Variants in ADGRL2 observed in about 807,000 individuals in gnomAD.
The protein encoded by ADGRL2 is adhesion G protein-coupled receptor L2, also known as calcium-independent alpha-latrotoxin receptor 2.
Under a neutral mutation model 157.4 loss-of-function variants are expected in ADGRL2, and 44 were observed. The ratio of observed to expected loss-of-function variants is 0.28; its 90% CI spans 0.22 to 0.36. The LOEUF is 0.36. ADGRL2 is among the 10% of genes least tolerant of loss of function. The probability of loss-of-function intolerance (pLI) is 1.00; values close to 1 mark genes in which losing one functional copy is unlikely to be tolerated. For missense variants in ADGRL2, 1,510 were observed against 1,768.9 expected (o/e 0.85, Z 2.63); for synonymous variants, 585 against 624.7 (o/e 0.94, Z 0.95).
intron 2 of ADGRL2, among the ~76,000 whole-genome samples, chr1:81,578,486 TA>T (rs1475936190): frequency 6.6e-6 from 1 of 152,188 alleles, no homozygotes; most frequent in East Asian, 1.9e-4. Context: ...AATTTTAATA[TA>T]AATGATTTAG....
intron 1 of ADGRL2, among the ~76,000 whole-genome samples, chr1:81,822,059 A>G (rs1195529648): frequency 1.5e-5 from 2 of 136,860 alleles, no homozygotes; most frequent in African/African-American, 5.5e-5. Context: ...GCATAGCTGA[A>G]GTTTAATTCC....
At chr1:81,949,571 A>T (rs1322420321) in intron 6 of ADGRL2, among the ~76,000 whole-genome samples, 1 of 152,202 alleles carries the variant, frequency 6.6e-6, no homozygotes, top group African/African-American at 2.4e-5. Flanking sequence ...TTTCAAGGTA[A>T]CGATGCCGAA....
chr1:81,731,584 G>A (rs915744536), intron 1 of ADGRL2, among the ~76,000 whole-genome samples: 2 of 150,964 alleles, frequency 1.3e-5, no homozygotes, highest in Non-Finnish European at 2.9e-5. Flanking sequence ...TTTCTTTTTT[G>A]GTAATTGCAG....
chr1:81,581,903 CACACACA>C (rs2080921812), intron 3 of ADGRL2, among the ~76,000 whole-genome samples: 4 of 150,750 alleles, frequency 2.7e-5, no homozygotes, highest in African/African-American at 9.9e-5. Context: ...CACACACACA[CACACACA>C]CCCCTGCCTC....
chr1:81,417,715 G>A (rs76732058), intron 1 of ADGRL2, among the ~76,000 whole-genome samples: 3 of 152,046 alleles, frequency 2.0e-5, no homozygotes, highest in Admixed American at 6.6e-5. Flanking sequence ...TTCGAAACTT[G>A]GTTTTCTTGC....
intron 3 of ADGRL2, among the ~76,000 whole-genome samples, chr1:81,677,458 A>G (rs1293016860): frequency 6.6e-6 from 1 of 152,184 alleles, no homozygotes; most frequent in African/African-American, 2.4e-5. Flanking sequence ...AGCATAAAGG[A>G]ATAACTCAGT....
At chr1:81,611,502 T>C (rs2081539834) in intron 3 of ADGRL2, among the ~76,000 whole-genome samples, 4 of 152,220 alleles carry the variant, frequency 2.6e-5, no homozygotes, top group Admixed American at 2.6e-4. Flanking sequence ...ATGTAGTAAA[T>C]ATGAAACCCA....
chr1:81,864,204 T>C (rs115249622), intron 2 of ADGRL2, among the ~76,000 whole-genome samples: 3,032 of 152,322 alleles, frequency 0.02, 52 homozygotes, highest in Non-Finnish European at 0.028. Context: ...CTTAATTCTG[T>C]ATATCCATCT....
At chr1:81,382,761 C>A (rs1244871193) in intron 1 of ADGRL2, among the ~76,000 whole-genome samples, 8 of 152,202 alleles carry the variant, frequency 5.3e-5, no homozygotes, top group East Asian at 3.9e-4. Flanking sequence ...ATCTTCAGAT[C>A]TCAGAATTAC....
intron 17 of ADGRL2, among the ~76,000 whole-genome samples, chr1:81,975,790 G>T (rs1216867185): frequency 6.6e-6 from 1 of 151,968 alleles, no homozygotes; most frequent in Non-Finnish European, 1.5e-5. Context: ...AATGACTACA[G>T]ATTTTTATCA....
chr1:81,851,539 A>T (rs2093005281), intron 2 of ADGRL2, among the ~76,000 whole-genome samples: 2 of 151,880 alleles, frequency 1.3e-5, no homozygotes, highest in African/African-American at 2.4e-5. Flanking sequence ...ATAATGGGTA[A>T]TGATGTATTT....
chr1:81,378,956 GA>G (rs1263500019), intron 1 of ADGRL2, among the ~76,000 whole-genome samples: 2 of 152,130 alleles, frequency 1.3e-5, no homozygotes, highest in African/African-American at 4.8e-5. Flanking sequence ...AGTGATCATT[GA>G]AAGATGATAT....
intron 3 of ADGRL2, among the ~76,000 whole-genome samples, chr1:81,617,411 C>T (rs1485535156): frequency 4.6e-5 from 7 of 152,200 alleles, no homozygotes. Context: ...AGATTGGGGA[C>T]TGCTAGTCTA....
intron 1 of ADGRL2, among the ~76,000 whole-genome samples, chr1:81,754,176 C>G (rs2085585915): frequency 6.6e-6 from 1 of 151,366 alleles, no homozygotes; most frequent in Non-Finnish European, 1.5e-5. Flanking sequence ...CTCCCTCCCT[C>G]CTTTGGATTT....
At chr1:81,838,568 G>T (rs912253824) in intron 2 of ADGRL2, among the ~76,000 whole-genome samples, 1 of 152,046 alleles carries the variant, frequency 6.6e-6, no homozygotes, top group African/African-American at 2.4e-5. Flanking sequence ...GTAGTCTGAT[G>T]ATTTTACATC....
At chr1:81,578,660 T>G (rs1246107693) in intron 2 of ADGRL2, among the ~76,000 whole-genome samples, 1 of 152,240 alleles carries the variant, frequency 6.6e-6, no homozygotes, top group East Asian at 1.9e-4. Context: ...ATAAGAATGA[T>G]AGTATTTAAA....
intron 5 of ADGRL2, among the ~76,000 whole-genome samples, chr1:81,942,352 A>G (rs1403528900): frequency 6.6e-6 from 1 of 151,876 alleles, no homozygotes; most frequent in Non-Finnish European, 1.5e-5. Context: ...CCTGGCTTCC[A>G]GAACCCTCTC....
intron 3 of ADGRL2, among the ~76,000 whole-genome samples, chr1:81,690,768 C>G (rs1035710851): frequency 6.6e-6 from 1 of 152,026 alleles, no homozygotes; most frequent in Admixed American, 6.5e-5. Flanking sequence ...TGCTGAGATT[C>G]CTAAAGTTAT....
chr1:81,868,485 A>G (rs2093608914), intron 2 of ADGRL2, among the ~76,000 whole-genome samples: 2 of 152,154 alleles, frequency 1.3e-5, no homozygotes, highest in Admixed American at 6.6e-5. Context: ...CCAGCTTGCC[A>G]TGGAGCTACC....
Sources: gnomAD v4.1 joint callset for allele counts (sites outside exome capture counted in the v4.1 genomes callset) on GRCh38, gnomAD v4.1.1 for gene constraint, MANE v1.5 for transcripts, NCBI Gene and HGNC (gene_info 2026-07-23, HGNC 2026-07-21) for gene names.